The following IL7 variants were observed in gnomAD, a reference collection of about 807,000 sequenced individuals.
IL7 encodes interleukin-7.
In IL7, 3 loss-of-function variants were observed where a neutral mutation model predicts 21.6. The ratio of observed to expected loss-of-function variants is 0.14; its 90% CI spans 0.06 to 0.36. The LOEUF (loss-of-function observed/expected upper bound fraction) is 0.36. IL7 is among the 10% of genes least tolerant of loss of function. The pLI, the probability that IL7 is intolerant of heterozygous loss-of-function variation, is 1.00. For missense variants in IL7, 175 were observed against 200.2 expected (o/e 0.87, Z 0.76); for synonymous variants, 62 against 68.1 (o/e 0.91, Z 0.44).
At chr8:78,750,819 G>A (rs183629248) in intron 2 of IL7, among the ~76,000 whole-genome samples, 38 of 152,098 alleles carry the variant, frequency 2.5e-4, no homozygotes, top group African/African-American at 7.0e-4. Context: ...GCGAGACTCC[G>A]TCTCAAAAAA....
At chr8:78,721,439 G>C (rs545121683) in exon 4 of IL7, 1 of 152,148 alleles carries the variant, frequency 6.6e-6, no homozygotes, top group African/African-American at 2.4e-5. Flanking sequence ...TAGTCCTGAG[G>C]ACTGAGGAAA....
chr8:78,781,434 T>C (rs1308436423), intron 2 of IL7, among the ~76,000 whole-genome samples: 1 of 152,200 alleles, frequency 6.6e-6, no homozygotes, highest in Non-Finnish European at 1.5e-5. Context: ...TTCCTCAGCA[T>C]TTGCCTGTCT....
chr8:78,761,662 T>A, intron 2 of IL7: 2 of 1,612,014 alleles, frequency 1.2e-6, no homozygotes, highest in Non-Finnish European at 1.7e-6. Flanking sequence ...CGTGTGAGTC[T>A]CTCACTTCCC....
chr8:78,691,594 G>A (rs1810213168), intron 3 of IL7, among the ~76,000 whole-genome samples: 1 of 151,952 alleles, frequency 6.6e-6, no homozygotes, highest in East Asian at 1.9e-4. Context: ...ATTTGCTTAT[G>A]TTTAGGTCTG....
chr8:78,685,459 A>T (rs2130479719), intron 4 of IL7, among the ~76,000 whole-genome samples: 1 of 152,316 alleles, frequency 6.6e-6, no homozygotes, highest in East Asian at 1.9e-4. Context: ...ATTAAACTGT[A>T]ATTAAAACAT....
At chr8:78,745,668 G>C (rs1220786007) in intron 2 of IL7, among the ~76,000 whole-genome samples, 1 of 152,142 alleles carries the variant, frequency 6.6e-6, no homozygotes. Context: ...TTTTTGAAAA[G>C]ATGCTAAAGT....
At chr8:78,701,476 G>A (rs111442399) in intron 3 of IL7, among the ~76,000 whole-genome samples, 5,632 of 152,176 alleles carry the variant, frequency 0.037, 317 homozygotes, top group African/African-American at 0.13. Flanking sequence ...CTATTTGGAT[G>A]CCCCTTTATT....
intron 4 of IL7, among the ~76,000 whole-genome samples, chr8:78,677,534 T>C (rs1309253155): frequency 6.6e-6 from 1 of 152,168 alleles, no homozygotes; most frequent in Non-Finnish European, 1.5e-5. Flanking sequence ...ATTACTATTA[T>C]GTTAACTTTA....
At chr8:78,738,920 A>G (rs931067200) in intron 3 of IL7, among the ~76,000 whole-genome samples, 1 of 152,208 alleles carries the variant, frequency 6.6e-6, no homozygotes, top group African/African-American at 2.4e-5. Context: ...ATGTGTGAAC[A>G]TATTAGAAGA....
intron 4 of IL7, among the ~76,000 whole-genome samples, chr8:78,736,794 G>T (rs531594376): frequency 6.6e-6 from 1 of 152,162 alleles, no homozygotes; most frequent in East Asian, 1.9e-4. Context: ...CTACTGTGAG[G>T]TATGAAAAAT....
At chr8:78,734,071 C>T (rs990127376) in intron 5 of IL7, among the ~76,000 whole-genome samples, 5 of 151,990 alleles carry the variant, frequency 3.3e-5, no homozygotes, top group Non-Finnish European at 7.4e-5. Flanking sequence ...ATCAGCTGAC[C>T]GCCATTTTCA....
At chr8:78,779,406 G>A (rs1813241589) in intron 2 of IL7, among the ~76,000 whole-genome samples, 1 of 152,116 alleles carries the variant, frequency 6.6e-6, no homozygotes, top group Admixed American at 6.5e-5. Flanking sequence ...TTTGAGGTAT[G>A]TTCCATCAAT....
chr8:78,681,610 A>G (rs977637368), intron 4 of IL7, among the ~76,000 whole-genome samples: 2 of 152,154 alleles, frequency 1.3e-5, no homozygotes, highest in African/African-American at 4.8e-5. Context: ...GAGTTTGTGT[A>G]ATATTGATGC....
intron 3 of IL7, among the ~76,000 whole-genome samples, chr8:78,698,224 A>C (rs1226219178): frequency 6.6e-6 from 1 of 152,220 alleles, no homozygotes; most frequent in Non-Finnish European, 1.5e-5. Flanking sequence ...TATAAGAGGG[A>C]CATTTAGAAA....
intron 2 of IL7, among the ~76,000 whole-genome samples, chr8:78,747,418 C>G (rs1174295945): frequency 6.6e-6 from 1 of 152,068 alleles, no homozygotes; most frequent in Admixed American, 6.6e-5. Flanking sequence ...CTCCTTACCT[C>G]AAGTAAAGTA....
At position 78,738,526 on chromosome 8, in the gene IL7, A is replaced by G. The variant is rs1811668243; in HGVS notation, c.338T>C (p.Ile113Thr). ...TACCTGGCCAGTGCAGTTCAACAGTATTGTTGTGCCTTCTGAAACTTTTAA... is the reference window on the plus strand; with the variant it reads ...TACCTGGCCAGTGCAGTTCAACAGTGTTGTTGTGCCTTCTGAAACTTTTAA... ...HLLKVSEGTT[I>T]LLNCTGQVKG... The change falls in exon 4 of 6, where the codon ATA (isoleucine) becomes ACA (threonine). Residue 113 changes from isoleucine to threonine, a missense_variant. By Grantham distance (89) the Ile-to-Thr change is moderately conservative (BLOSUM62 -1). Transcript: ENST00000263851. 1 of 1,613,664 alleles carries G rather than the reference A, an allele frequency of 6.2e-7. No individual in the cohort carries two copies. The highest frequency in any genetic ancestry group is 1.3e-5 in the African/African-American group (1 of 75,030).
intron 2 of IL7, among the ~76,000 whole-genome samples, chr8:78,773,183 A>G (rs1044760342): frequency 2.6e-5 from 4 of 152,084 alleles, no homozygotes; most frequent in African/African-American, 9.7e-5. Flanking sequence ...CCTCGATCAC[A>G]GGGTGCATTC....
At chr8:78,778,059 C>G (rs1313568617) in intron 2 of IL7, among the ~76,000 whole-genome samples, 1 of 151,978 alleles carries the variant, frequency 6.6e-6, no homozygotes, top group African/African-American at 2.4e-5. Context: ...AGTTGGTATC[C>G]CTAAACATTT....
intron 2 of IL7, among the ~76,000 whole-genome samples, chr8:78,791,259 C>T (rs779090844): frequency 8.6e-5 from 13 of 152,008 alleles, no homozygotes; most frequent in Non-Finnish European, 1.6e-4. Flanking sequence ...ATAGATGTCA[C>T]TACATAAAAA....
Sources: gnomAD v4.1 joint callset for allele counts (sites outside exome capture counted in the v4.1 genomes callset) on GRCh38, gnomAD v4.1.1 for gene constraint, MANE v1.5 for transcripts, NCBI Gene and HGNC (gene_info 2026-07-23, HGNC 2026-07-21) for gene names.